The following BIRC6 variants were observed in gnomAD, a reference collection of about 807,000 sequenced individuals.
BIRC6 encodes dual E2 ubiquitin-conjugating enzyme/E3 ubiquitin-protein ligase BIRC6.
In BIRC6, 98 loss-of-function variants were observed where a neutral mutation model predicts 503.3. The observed-to-expected ratio is 0.19, with a 90% confidence interval of 0.17 to 0.23. The LOEUF (loss-of-function observed/expected upper bound fraction) is 0.23. BIRC6 is among the 10% of genes least tolerant of loss of function. BIRC6 has a pLI of 1.00. For synonymous variants in BIRC6, 2,240 were observed against 2,078.7 expected (o/e 1.08, Z -2.11); for missense variants, 5,360 against 5,806.0 (o/e 0.92, Z 2.50).
intron 22 of BIRC6, 28 bp from the exon 23 acceptor site, chr2:32,453,780 T>C: frequency 6.2e-7 from 1 of 1,605,494 alleles, no homozygotes; most frequent in Non-Finnish European, 8.5e-7. Flanking sequence ...TATCTTCACG[T>C]GTTATAAAAC....
At position 32,594,733 on chromosome 2, in the gene BIRC6, C is replaced by T. The variant is rs541017391; in HGVS notation, c.13502-301C>T. 9.8e-4 allele frequency among the ~76,000 whole-genome samples: 121 copies of T among 123,340 alleles called. 2 individuals are homozygous for T. The highest frequency in any genetic ancestry group is 8.6e-4 in the East Asian group (4 of 4,630). 80.9% of individuals were successfully genotyped at this position (123,340 alleles called of 152,430 possible). ...ATGGATGGATGGATGGATGGATGGA[C>T]GGATGGATAGATATTTTCCTATGTT... On this transcript the variant is annotated intron_variant, in intron 67 of 73. Transcript: ENST00000421745.
intron 1 of BIRC6, among the ~76,000 whole-genome samples, chr2:32,364,014 T>C (rs1382932727): frequency 6.6e-6 from 1 of 152,218 alleles, no homozygotes; most frequent in African/African-American, 2.4e-5. Flanking sequence ...TCTTTTAGTG[T>C]ATTGGTGTGG....
chr2:32,548,364 A>AT (rs1491147471), intron 64 of BIRC6, among the ~76,000 whole-genome samples: 2,246 of 67,934 alleles, frequency 0.033, 27 homozygotes, highest in Non-Finnish European at 0.05. Flanking sequence ...TTGGTTGCTT[A>AT]CTTTTTTTTT....
At chr2:32,483,954 T>C (rs1476218465) in intron 39 of BIRC6, among the ~76,000 whole-genome samples, 1 of 152,230 alleles carries the variant, frequency 6.6e-6, no homozygotes, top group Non-Finnish European at 1.5e-5. Context: ...AAAAATGTTT[T>C]GTTCTCATTG....
At chr2:32,606,394 C>G (rs994943279) in intron 71 of BIRC6, among the ~76,000 whole-genome samples, 1 of 151,810 alleles carries the variant, frequency 6.6e-6, no homozygotes, top group Non-Finnish European at 1.5e-5. Context: ...TCGAGACCAG[C>G]CTGGCCAACA....
chr2:32,443,574 C>T lies in BIRC6; in HGVS notation c.4322C>T (p.Ala1441Val). The T allele has an allele frequency of 6.2e-7, 1 of 1,601,488 alleles. No individual in the cohort carries two copies. The highest frequency in any genetic ancestry group is 8.5e-7 in the Non-Finnish European group (1 of 1,172,908). ...ALLDNMSFLP[A>V]ATTGGSVYWY... ...CTTGATAATATGTCATTTTTACCTG[C>T]AGCAACAACTGGTGGTATGTAAAAT... Residue 1441 changes from alanine to valine, a missense_variant, in exon 20 of 74, where the codon GCA (alanine) becomes GTA (valine). Physicochemically the swap from Ala to Val is moderately conservative, Grantham distance 64. Coordinates refer to ENST00000421745, the MANE Select transcript of BIRC6 (RefSeq NM_016252.4).
chr2:32,420,021 A>G (rs1347722085), intron 10 of BIRC6, among the ~76,000 whole-genome samples: 1 of 152,218 alleles, frequency 6.6e-6, no homozygotes, highest in Non-Finnish European at 1.5e-5. Context: ...TTGGATATCA[A>G]ATCAACTTTG....
At chr2:32,442,796 T>C (rs1020582952) in intron 19 of BIRC6, among the ~76,000 whole-genome samples, 2 of 152,208 alleles carry the variant, frequency 1.3e-5, no homozygotes, top group Admixed American at 1.3e-4. Flanking sequence ...TTCTCTGTTA[T>C]GTAACAATCT....
chr2:32,559,973 G>A (rs777379192), intron 65 of BIRC6, among the ~76,000 whole-genome samples: 5 of 151,958 alleles, frequency 3.3e-5, no homozygotes, highest in Non-Finnish European at 5.9e-5. Flanking sequence ...CCGAGATCAC[G>A]CCACTGCACT....
At chr2:32,541,219 A>C (rs553262301) in intron 61 of BIRC6, among the ~76,000 whole-genome samples, 3 of 152,088 alleles carry the variant, frequency 2.0e-5, no homozygotes, top group Non-Finnish European at 4.4e-5. Context: ...AATATAGAGG[A>C]TCTTTAAAAA....
rs1199668316 is a variant in BIRC6, at chr2:32,456,178, C to A, written c.4753+2236C>A. ...AAACATCATCCTTTTGGAGTAGTTACTTTTTGGTTTTTGTTTATTTCTTTG... is the reference window on the plus strand; with the variant it reads ...AAACATCATCCTTTTGGAGTAGTTAATTTTTGGTTTTTGTTTATTTCTTTG... On this transcript the variant is annotated intron_variant, in intron 23 of 73. Transcript: ENST00000421745. Among the ~76,000 whole-genome samples, 3 of 152,136 alleles carry A rather than the reference C, an allele frequency of 2.0e-5. No homozygotes were observed. The East Asian group carries it at 5.8e-4, about 29-fold the overall frequency.
In BIRC6 at chr2:32,510,614, G is replaced by A; in HGVS notation, c.10326G>A (p.Gln3442=). The change falls in exon 53 of 74, where the codon CAG becomes CAA. Residue 3442 remains glutamine, a synonymous_variant. Transcript: ENST00000421745. Reference sequence around the variant, plus strand: ...TTCTTTACCAGCTTGGAACAACTCAGGATCCTGGTACAAAAGACAGGTACG... The same window carrying A: ...TTCTTTACCAGCTTGGAACAACTCAAGATCCTGGTACAAAAGACAGGTACG... ...IDILYQLGTT[Q]DPGTKDRIQA... 1 of 1,599,574 alleles carries A rather than the reference G, an allele frequency of 6.3e-7. No homozygotes were observed. Among genetic ancestry groups the A allele is most frequent in the Non-Finnish European group, 8.6e-7 (1 of 1,167,100 alleles).
At chr2:32,397,566 C>T (rs570820591) in intron 6 of BIRC6, among the ~76,000 whole-genome samples, 21 of 142,064 alleles carry the variant, frequency 1.5e-4, no homozygotes, top group African/African-American at 5.2e-4. Context: ...TGTCTTTCCC[C>T]GTAAAGGCTG....
chr2:32,446,264 T>C (rs2148426733), intron 21 of BIRC6, among the ~76,000 whole-genome samples: 1 of 152,366 alleles, frequency 6.6e-6, no homozygotes, highest in Middle Eastern at 3.4e-3. Flanking sequence ...AAGAATGTAA[T>C]GTGTCTGTTT....
At chr2:32,595,988 T>G (rs2061648873) in intron 68 of BIRC6, among the ~76,000 whole-genome samples, 1 of 152,168 alleles carries the variant, frequency 6.6e-6, no homozygotes, top group African/African-American at 2.4e-5. Flanking sequence ...TAATATTAAC[T>G]TGGTTTTTAA....
intron 55 of BIRC6, among the ~76,000 whole-genome samples, chr2:32,517,339 C>G (rs1309722615): frequency 1.3e-5 from 2 of 152,026 alleles, no homozygotes; most frequent in East Asian, 3.9e-4. Flanking sequence ...GAGACCCTGT[C>G]TCAACAAAAA....
chr2:32,562,811 G>A (rs777100583), intron 65 of BIRC6, among the ~76,000 whole-genome samples: 2 of 152,104 alleles, frequency 1.3e-5, no homozygotes, highest in Non-Finnish European at 2.9e-5. Context: ...TCCATTGTAT[G>A]AACATGTAAG....
At chr2:32,491,942 G>T (rs2051774863) in intron 44 of BIRC6, among the ~76,000 whole-genome samples, 1 of 151,966 alleles carries the variant, frequency 6.6e-6, no homozygotes, top group African/African-American at 2.4e-5. Context: ...ATCATTTTAT[G>T]ATGTTAATGA....
chr2:32,428,392 G>T (rs893407785), intron 10 of BIRC6, among the ~76,000 whole-genome samples: 2 of 152,152 alleles, frequency 1.3e-5, no homozygotes, highest in Non-Finnish European at 2.9e-5. Flanking sequence ...CTCCTTGTTT[G>T]TTTCCCATTG....
Sources: gnomAD v4.1 joint callset for allele counts (sites outside exome capture counted in the v4.1 genomes callset) on GRCh38, gnomAD v4.1.1 for gene constraint, MANE v1.5 for transcripts, NCBI Gene and HGNC (gene_info 2026-07-23, HGNC 2026-07-21) for gene names.